MBD6: variants seen among roughly 807,000 people sequenced by gnomAD.
The protein encoded by MBD6 is methyl-CpG binding domain protein 6.
Under a neutral mutation model 66.8 loss-of-function variants are expected in MBD6, and 22 were observed. The ratio of observed to expected loss-of-function variants is 0.33; its 90% CI spans 0.24 to 0.47. The LOEUF is 0.47. MBD6 is among the 20% of genes least tolerant of loss of function. The pLI, the probability that MBD6 is intolerant of heterozygous loss-of-function variation, is 1.00. For missense variants in MBD6, 1,322 were observed against 1,286.9 expected, an observed-to-expected ratio of 1.03 and a Z score of -0.42; for synonymous variants, 540 against 534.6, an observed-to-expected ratio of 1.01 and a Z score of -0.14.
Position 57,525,047 on chromosome 12 carries a change from G to C in MBD6, c.311G>C (p.Arg104Pro). The C allele has an allele frequency of 6.2e-7, 1 of 1,613,300 alleles. No homozygotes were observed. ...GACATGACCAAGCTGTGCAACCACC[G>C]GCGGAAAGCTGTTGCTATGGCAACT... ...EEDMTKLCNH[R>P]RKAVAMATLY... Residue 104 changes from arginine to proline, a missense_variant, in exon 5 of 13, where the codon CGG (arginine) becomes CCG (proline). By Grantham distance (103) the Arg-to-Pro change is moderately radical. Transcript: ENST00000355673.
intron 11 of MBD6, 24 bp downstream of exon 11, chr12:57,528,742 G>T (rs1344898365): frequency 1.2e-6 from 2 of 1,613,874 alleles, no homozygotes; most frequent in South Asian, 2.2e-5. Flanking sequence ...CTACTATAGT[G>T]CTGGCCTTTG....
rs1878821360 is a variant in MBD6, at chr12:57,525,463, C to G, written c.495C>G (p.Pro165=). 2 of 1,537,928 alleles carry G rather than the reference C, an allele frequency of 1.3e-6. No individual in the cohort carries two copies. Reference sequence around the variant, plus strand: ...TTAATGGGGGTCCTGGCTCCCTTCCCCCAGAACCACCCTCAGTTTCCCAGG... The same window carrying G: ...TTAATGGGGGTCCTGGCTCCCTTCCGCCAGAACCACCCTCAGTTTCCCAGG... ...TPLNGGPGSL[P]PEPPSVSQAF... is the part of the protein sequence containing the mutation. Residue 165 remains proline, a synonymous_variant, in exon 6 of 13, where the codon CCC becomes CCG. Transcript: ENST00000355673.
At position 57,525,373 on chromosome 12, in the gene MBD6, C is replaced by A; in HGVS notation, c.405C>A (p.Phe135Leu). The A allele has an allele frequency of 1.3e-6, 2 of 1,567,964 alleles. No homozygotes were observed. The highest frequency in any genetic ancestry group is 1.7e-6 in the Non-Finnish European group (2 of 1,162,484). Residue 135 changes from phenylalanine (F) to leucine (L), a missense_variant, in exon 6 of 13, where the codon TTC becomes TTA. Coordinates refer to ENST00000355673, the MANE Select transcript of MBD6 (RefSeq NM_052897.4). ...SPGEGASPQM[F>L]HTVSPGPPSA... is the part of the protein sequence containing the mutation. Reference sequence around the variant, plus strand: ...GAGAGGGAGCGAGCCCCCAAATGTTCCACACTGTGTCCCCAGGGCCCCCCT... The same window carrying A: ...GAGAGGGAGCGAGCCCCCAAATGTTACACACTGTGTCCCCAGGGCCCCCCT...
At position 57,529,342 on chromosome 12, in the gene MBD6, C is replaced by G. The variant is rs1879363920; in HGVS notation, c.*108C>G. 26 of 1,063,812 alleles carry G rather than the reference C, an allele frequency of 2.4e-5. No individual in the cohort carries two copies. The South Asian group carries it at 3.4e-4, about 14-fold the overall frequency. The allele number at this position is 1,063,812 out of a possible 1,614,324, so 65.9% of individuals were successfully genotyped here. The stretch of plus-strand genomic sequence containing the variant: ...CTGTGGACAGTGGGTGGGGGCACTA[C>G]TCCCCACTCAGAGCACAAATGCAAC... On this transcript the variant is annotated 3_prime_UTR_variant, in exon 13 of 13. Coordinates refer to ENST00000355673, the MANE Select transcript of MBD6 (RefSeq NM_052897.4).
At position 57,528,360 on chromosome 12, in the gene MBD6, C is replaced by T. The variant is rs751228317; in HGVS notation, c.2620C>T (p.Pro874Ser). 3 of 1,612,186 alleles carry T rather than the reference C, an allele frequency of 1.9e-6. No individual in the cohort carries two copies. In the East Asian group the frequency reaches 6.7e-5, roughly 36 times the overall value. ...GLRGINGEARPARGRKPGSRR... is the reference protein window; with the variant it reads ...GLRGINGEARSARGRKPGSRR... ...TAGGGGCATTAATGGTGAGGCCAGG[C>T]CAGCCCGGGGCCGAAAGCCTGGCAG... Residue 874 changes from proline to serine, a missense_variant, in exon 10 of 13, where the codon CCA becomes TCA. Pro to Ser is a moderately conservative substitution (Grantham distance 74). Coordinates refer to ENST00000355673, the MANE Select transcript of MBD6 (RefSeq NM_052897.4).
rs1057189776 is a variant in MBD6 at position 57,525,725 on chromosome 12, T to C, written c.757T>C (p.Ser253Pro). 3 of 1,613,746 alleles carry C rather than the reference T, an allele frequency of 1.9e-6. No homozygotes were observed. The highest frequency in any genetic ancestry group is 3.3e-5 in the Admixed American group (2 of 59,980). ...GSPPAPHASS[S>P]PPSDPPLFHC... is the part of the protein sequence containing the mutation. ...TCCTCCGGCCCCTCATGCCTCCTCCTCACCACCTTCAGACCCTCCTCTCTT... is the reference window on the plus strand; with the variant it reads ...TCCTCCGGCCCCTCATGCCTCCTCCCCACCACCTTCAGACCCTCCTCTCTT... The change falls in exon 6 of 13, where the codon TCA becomes CCA. Residue 253 changes from serine (S) to proline (P), a missense_variant. By Grantham distance (74) the Ser-to-Pro change is moderately conservative (BLOSUM62 -1). Transcript: ENST00000355673.
chr12:57,524,680 GC>G, intron 3 of MBD6, 39 bp from the exon 4 acceptor site: 1 of 1,586,388 alleles, frequency 6.3e-7, no homozygotes, highest in Non-Finnish European at 8.7e-7. Context: ...CTGATTCGCT[GC>G]CAGCTAACCC....
Position 57,525,129 on chromosome 12 carries a change from C to T in MBD6, c.379+14C>T. 6.2e-7 allele frequency: 1 copy of T among 1,602,086 alleles called. No individual in the cohort carries two copies. The highest frequency in any genetic ancestry group is 8.5e-7 in the Non-Finnish European group (1 of 1,176,526). On this transcript the variant is annotated intron_variant, in intron 5 of 12. Transcript: ENST00000355673. Reference sequence around the variant, plus strand: ...ACTCTTCTCCTGGTGAGTCTTCTGCCACTTTACAGAAGACCGAGGAAAACC... The same window carrying T: ...ACTCTTCTCCTGGTGAGTCTTCTGCTACTTTACAGAAGACCGAGGAAAACC...
chr12:57,531,211 C>T (rs905674981), downstream of MBD6, among the ~76,000 whole-genome samples: 3 of 152,158 alleles, frequency 2.0e-5, no homozygotes, highest in Non-Finnish European at 4.4e-5. Context: ...GCACTGAGAA[C>T]AGTGCCTCCA....
rs756612577 is a variant in MBD6, at chr12:57,525,619, A to T, written c.651A>T (p.Pro217=). The T allele has an allele frequency of 6.2e-7, 1 of 1,611,702 alleles. No individual in the cohort carries two copies. The highest frequency in any genetic ancestry group is 1.7e-5 in the Admixed American group (1 of 59,808). Residue 217 remains proline (P), a synonymous_variant, in exon 6 of 13, where the codon CCA becomes CCT. Transcript: ENST00000355673. ...CCCCCTCTCCAGCCCCACCTCCTCC[A>T]CCTGCTATCAGCCTCAATGCTCCCT... The part of the protein sequence containing the change: ...GNAPSPAPPP[P]PAISLNAPSY...
Position 57,529,438 on chromosome 12 carries a change from C to CCT in MBD6, c.*204_*205insCT. On this transcript the variant is annotated 3_prime_UTR_variant, in exon 13 of 13. Coordinates refer to ENST00000355673, the MANE Select transcript of MBD6 (RefSeq NM_052897.4). ...AGTTCACCCCCCCCCACCACCCCCCCGCCCCCCCGAAGCCATGTCACTGAA... is the reference window on the plus strand; with the variant it reads ...AGTTCACCCCCCCCCACCACCCCCCCCTGCCCCCCCGAAGCCATGTCACTGAA... 1.8e-6 allele frequency: 1 copy of CCT among 547,020 alleles called. No individual in the cohort carries two copies. Among genetic ancestry groups the CCT allele is most frequent in the Non-Finnish European group, 3.2e-6 (1 of 308,594 alleles). 33.9% of individuals were successfully genotyped at this position (547,020 alleles called of 1,614,324 possible).
chr12:57,521,532 C>T (rs1878340314), upstream of MBD6: 3 of 152,248 alleles, frequency 2.0e-5, no homozygotes, highest in Admixed American at 2.0e-4. Flanking sequence ...CCGTAAATCT[C>T]CCAAAAGGGG....
intron 7 of MBD6, 69 bp from the exon 8 acceptor site, chr12:57,527,438 A>T (rs1409016704): frequency 6.5e-7 from 1 of 1,537,638 alleles, no homozygotes; most frequent in Non-Finnish European, 9.0e-7. Flanking sequence ...CAGATAGTGG[A>T]TGTGAAAGCA....
rs1432043748 is a variant in MBD6, at chr12:57,527,344, C to G, written c.2082+117C>G. ...TCTTCCTTGGGGCCTTTGGGGAGGCCTTAGTTCTTGGCTGGGGGTAGGATG... is the reference window on the plus strand; with the variant it reads ...TCTTCCTTGGGGCCTTTGGGGAGGCGTTAGTTCTTGGCTGGGGGTAGGATG... On this transcript the variant is annotated intron_variant, in intron 7 of 12. Transcript: ENST00000355673. 4 of 1,136,772 alleles carry G rather than the reference C, an allele frequency of 3.5e-6. No individual in the cohort carries two copies. The East Asian group carries it at 7.6e-5, about 21-fold the overall frequency. The allele number at this position is 1,136,772 out of a possible 1,614,324, so 70.4% of individuals were successfully genotyped here. A position where few individuals can be genotyped will look rare whatever the true frequency, so the allele number is the denominator to read the frequency against.
intron 3 of MBD6, 67 bp downstream of exon 3, chr12:57,524,483 TTC>T (rs1393739239): frequency 1.5e-5 from 21 of 1,372,430 alleles, no homozygotes; most frequent in Non-Finnish European, 1.7e-5. Context: ...CTTCCGTTTC[TTC>T]TCTCAGCTCA....
Position 57,525,427 on chromosome 12 carries a change from T to G in MBD6, c.459T>G (p.Pro153=). 6.5e-7 allele frequency: 1 copy of G among 1,534,922 alleles called. No individual in the cohort carries two copies. The highest frequency in any genetic ancestry group is 1.4e-5 in the African/African-American group (1 of 71,760). The part of the protein sequence containing the change: ...PSARPPCRVP[P]TTPLNGGPGS... ...CCCGCCCTCCCTGTCGAGTTCCTCCTACAACTCCACTTAATGGGGGTCCTG... is the reference window on the plus strand; with the variant it reads ...CCCGCCCTCCCTGTCGAGTTCCTCCGACAACTCCACTTAATGGGGGTCCTG... Residue 153 remains proline, a synonymous_variant, in exon 6 of 13, where the codon CCT becomes CCG. Transcript: ENST00000355673.
rs1227564431 is a variant in MBD6 at position 57,526,191 on chromosome 12, T to C, written c.1223T>C (p.Ile408Thr). 6.2e-7 allele frequency: 1 copy of C among 1,614,020 alleles called. No individual in the cohort carries two copies. Among genetic ancestry groups the C allele is most frequent in the Non-Finnish European group, 8.5e-7 (1 of 1,179,972 alleles). Residue 408 changes from isoleucine to threonine, a missense_variant, in exon 6 of 13, where the codon ATT (isoleucine) becomes ACT (threonine). Physicochemically the swap from Ile to Thr is moderately conservative, Grantham distance 89. Transcript: ENST00000355673. ...PFSLPEPSQP[I>T]LPSVLSLLGL... Reference sequence around the variant, plus strand: ...TCTCTCCCGGAGCCATCCCAACCAATTCTCCCTTCTGTGCTGTCCCTGCTG... The same window carrying C: ...TCTCTCCCGGAGCCATCCCAACCAACTCTCCCTTCTGTGCTGTCCCTGCTG...
In MBD6 at chr12:57,525,733, T is replaced by A. The variant is rs764642015; in HGVS notation, c.765T>A (p.Pro255=). 6.2e-7 allele frequency: 1 copy of A among 1,613,774 alleles called. No homozygotes were observed. Among genetic ancestry groups the A allele is most frequent in the Non-Finnish European group, 8.5e-7 (1 of 1,179,954 alleles). The change falls in exon 6 of 13, where the codon CCT becomes CCA. Residue 255 remains proline, a synonymous_variant. Coordinates refer to ENST00000355673, the MANE Select transcript of MBD6 (RefSeq NM_052897.4). ...PPAPHASSSP[P]SDPPLFHCSD... ...CCCCTCATGCCTCCTCCTCACCACC[T>A]TCAGACCCTCCTCTCTTCCACTGTA...
At position 57,527,843 on chromosome 12, in the gene MBD6, A is replaced by T. The variant is rs1287181918; in HGVS notation, c.2237-5A>T. ...GAGAGACCCCTGACTATAATTTCTC[A>T]ACAGGTGACCTGTCTTCACTGACCA... On this transcript the variant is annotated splice_region_variant and splice_polypyrimidine_tract_variant and intron_variant, in intron 8 of 12. Transcript: ENST00000355673. The T allele has an allele frequency of 1.2e-6, 2 of 1,612,956 alleles. No homozygotes were observed. Among genetic ancestry groups the T allele is most frequent in the South Asian group, 2.2e-5 (2 of 91,036 alleles).
Sources: gnomAD v4.1 joint callset for allele counts (sites outside exome capture counted in the v4.1 genomes callset) on GRCh38, gnomAD v4.1.1 for gene constraint, MANE v1.5 for transcripts, NCBI Gene and HGNC (gene_info 2026-07-23, HGNC 2026-07-21) for gene names.